RGL1: variants seen among roughly 807,000 people sequenced by gnomAD.
RGL1 encodes the protein ral guanine nucleotide dissociation stimulator like 1, also known as ral guanine nucleotide dissociation stimulator-like 1.
RGL1 carries 24 observed loss-of-function variants against 95.2 expected under a neutral mutation model. That is an observed-to-expected ratio of 0.25 (90% confidence interval 0.18 to 0.35). The LOEUF is 0.35. Ranked by LOEUF, RGL1 falls within the 10% of genes least tolerant of loss-of-function variation. The pLI is 1.00. For missense variants in RGL1, 715 were observed against 936.3 expected (o/e 0.76, Z 3.08); for synonymous variants, 329 against 344.9 (o/e 0.95, Z 0.51).
At chr1:183,760,288 G>T (rs190417613) in intron 2 of RGL1, among the ~76,000 whole-genome samples, 1 of 152,316 alleles carries the variant, frequency 6.6e-6, no homozygotes, top group African/African-American at 2.4e-5. Flanking sequence ...GATCAGAGTG[G>T]TTGGCTGCTG....
intron 1 of RGL1, among the ~76,000 whole-genome samples, chr1:183,687,947 A>G (rs962265959): frequency 1.3e-5 from 2 of 152,166 alleles, no homozygotes; most frequent in Non-Finnish European, 2.9e-5. Context: ...TTCTATATCT[A>G]GTGTAATGGA....
intron 1 of RGL1, among the ~76,000 whole-genome samples, chr1:183,705,903 G>T (rs958718622): frequency 6.6e-6 from 1 of 152,140 alleles, no homozygotes; most frequent in African/African-American, 2.4e-5. Context: ...AGAGCTGCTT[G>T]GGGGATGGGA....
At position 183,847,556 on chromosome 1, in the gene RGL1, T is replaced by C. The variant is rs1664525810; in HGVS notation, c.139-10T>C. On this transcript the variant is annotated splice_polypyrimidine_tract_variant and intron_variant, in intron 2 of 17. Coordinates refer to ENST00000360851, the MANE Select transcript of RGL1 (RefSeq NM_001297671.3). ...TTTCTCCTTATGGTAATTGTTAATT[T>C]ATTATACAGGTTGAAGGGGACCAGC... 1 of 1,607,784 alleles carries C rather than the reference T, an allele frequency of 6.2e-7. No homozygotes were observed. The highest frequency in any genetic ancestry group is 8.5e-7 in the Non-Finnish European group (1 of 1,177,028).
At chr1:183,869,291 C>G (rs1220803002) in intron 4 of RGL1, among the ~76,000 whole-genome samples, 1 of 152,146 alleles carries the variant, frequency 6.6e-6, no homozygotes, top group Non-Finnish European at 1.5e-5. Context: ...ACTAGGAACA[C>G]TAATGTGAAT....
intron 1 of RGL1, among the ~76,000 whole-genome samples, chr1:183,672,070 T>C (rs934228773): frequency 6.6e-6 from 1 of 151,924 alleles, no homozygotes; most frequent in Non-Finnish European, 1.5e-5. Flanking sequence ...GTAGCTGGGA[T>C]TACAGGCACC....
chr1:183,698,562 GAACACATAAAA>G (rs751093802), intron 1 of RGL1, among the ~76,000 whole-genome samples: 9 of 152,242 alleles, frequency 5.9e-5, no homozygotes, highest in Admixed American at 2.6e-4. Context: ...CCTTGCCTTG[GAACACATAAAA>G]ATACTTTGAT....
At chr1:183,804,282 C>T (rs1372426317), upstream of RGL1, among the ~76,000 whole-genome samples, 1 of 151,780 alleles carries the variant, frequency 6.6e-6, no homozygotes, top group African/African-American at 2.4e-5. Flanking sequence ...TTGCAATTTG[C>T]ATGGAATTCT....
chr1:183,637,491 G>T (rs1356133870), intron 1 of RGL1, among the ~76,000 whole-genome samples: 1 of 152,154 alleles, frequency 6.6e-6, no homozygotes, highest in East Asian at 1.9e-4. Context: ...TTAAATATTT[G>T]TTGGATATAT....
chr1:183,878,837 A>G (rs915398416), intron 4 of RGL1, among the ~76,000 whole-genome samples: 2 of 152,174 alleles, frequency 1.3e-5, no homozygotes, highest in East Asian at 1.9e-4. Context: ...TATGATATGA[A>G]TTATCACCTC....
At chr1:183,816,636 TA>T (rs1350736065) in intron 2 of RGL1, among the ~76,000 whole-genome samples, 1 of 152,236 alleles carries the variant, frequency 6.6e-6, no homozygotes, top group Non-Finnish European at 1.5e-5. Context: ...TTTTAATATG[TA>T]AGTTTTTATA....
intron 2 of RGL1, among the ~76,000 whole-genome samples, chr1:183,789,149 A>C (rs920249767): frequency 2.0e-5 from 3 of 152,190 alleles, no homozygotes; most frequent in Admixed American, 6.5e-5. Flanking sequence ...TCATGTAGAA[A>C]GTTAGTTCTA....
chr1:183,875,604 G>T (rs1337052770), intron 4 of RGL1, among the ~76,000 whole-genome samples: 1 of 152,042 alleles, frequency 6.6e-6, no homozygotes, highest in Non-Finnish European at 1.5e-5. Flanking sequence ...GGCCAGCTGC[G>T]GTGGCTCATG....
chr1:183,825,434 C>T lies in RGL1; in HGVS notation c.138+18949C>T, dbSNP rs576275119. ...CAGAAAAGCATAGCTAGGGAGGTAGCAGCAGTAACAGGCTAATTCATTGGC... is the reference window on the plus strand; with the variant it reads ...CAGAAAAGCATAGCTAGGGAGGTAGTAGCAGTAACAGGCTAATTCATTGGC... On this transcript the variant is annotated intron_variant, in intron 2 of 17. Transcript: ENST00000360851. 5.9e-5 allele frequency among the ~76,000 whole-genome samples: 9 copies of T among 152,272 alleles called. No individual in the cohort carries two copies. In the South Asian group the frequency reaches 1.9e-3, roughly 32 times the overall value.
chr1:183,735,019 G>A (rs1024441757), intron 1 of RGL1, among the ~76,000 whole-genome samples: 3 of 152,056 alleles, frequency 2.0e-5, no homozygotes, highest in Admixed American at 6.6e-5. Flanking sequence ...GCTGAGCAGC[G>A]TTTCTCCAGG....
At chr1:183,830,019 T>C (rs1663153752) in intron 2 of RGL1, among the ~76,000 whole-genome samples, 1 of 152,204 alleles carries the variant, frequency 6.6e-6, no homozygotes, top group African/African-American at 2.4e-5. Flanking sequence ...GTCTGTGTTG[T>C]TCATTTCTGT....
chr1:183,827,738 G>A (rs896097760), intron 2 of RGL1, among the ~76,000 whole-genome samples: 2 of 152,032 alleles, frequency 1.3e-5, no homozygotes, highest in African/African-American at 2.4e-5. Context: ...CATTATTTAC[G>A]TTGGATACAA....
At chr1:183,736,131 G>A (rs993214286) in intron 1 of RGL1, among the ~76,000 whole-genome samples, 2 of 152,170 alleles carry the variant, frequency 1.3e-5, no homozygotes, top group African/African-American at 2.4e-5. Context: ...TTATATACAT[G>A]TATGTAAAGA....
At chr1:183,692,073 TA>T (rs1653976997) in intron 1 of RGL1, among the ~76,000 whole-genome samples, 1 of 151,082 alleles carries the variant, frequency 6.6e-6, no homozygotes, top group Non-Finnish European at 1.5e-5. Context: ...ATTATTACAT[TA>T]TTCTGTGTAA....
At chr1:183,700,078 C>T (rs1654492618) in intron 1 of RGL1, among the ~76,000 whole-genome samples, 1 of 152,136 alleles carries the variant, frequency 6.6e-6, no homozygotes, top group Admixed American at 6.6e-5. Flanking sequence ...GTGGCTGTGA[C>T]CAGACTGATT....
Sources: gnomAD v4.1 joint callset for allele counts (sites outside exome capture counted in the v4.1 genomes callset) on GRCh38, gnomAD v4.1.1 for gene constraint, MANE v1.5 for transcripts, NCBI Gene and HGNC (gene_info 2026-07-23, HGNC 2026-07-21) for gene names.